DACH1: variants seen among roughly 807,000 people sequenced by gnomAD.
DACH1 encodes dachshund family transcription factor 1, also known as dachshund homolog 1.
In DACH1, 12 loss-of-function variants were observed where a neutral mutation model predicts 54.2. That is an observed-to-expected ratio of 0.22 (90% CI 0.14 to 0.36). The LOEUF (loss-of-function observed/expected upper bound fraction) is 0.36. Among genes scored for constraint, DACH1 ranks in the 10% least tolerant of loss-of-function variants. The probability of loss-of-function intolerance (pLI) is 1.00; values close to 1 mark genes in which losing one functional copy is unlikely to be tolerated. For synonymous variants in DACH1, 386 were observed against 366.2 expected (o/e 1.05, Z -0.62); for missense variants, 805 against 929.8 (o/e 0.87, Z 1.75).
intron 3 of DACH1, among the ~76,000 whole-genome samples, chr13:71,590,267 G>C (rs929145498): frequency 2.6e-5 from 4 of 151,996 alleles, no homozygotes; most frequent in Non-Finnish European, 5.9e-5. Context: ...TCTAAGAAGA[G>C]GGTCAAAGGA....
intron 2 of DACH1, among the ~76,000 whole-genome samples, chr13:71,667,671 A>C (rs193263372): frequency 6.6e-6 from 1 of 152,206 alleles, no homozygotes; most frequent in Non-Finnish European, 1.5e-5. Context: ...AGCAATTGCC[A>C]TTATAAATCA....
chr13:71,498,971 T>G (rs925616291), intron 6 of DACH1, among the ~76,000 whole-genome samples: 2 of 152,170 alleles, frequency 1.3e-5, no homozygotes, highest in Admixed American at 6.5e-5. Flanking sequence ...CATCATTATC[T>G]TAGCAAACTC....
At chr13:71,474,508 G>T (rs927822752) in intron 10 of DACH1, among the ~76,000 whole-genome samples, 1 of 151,998 alleles carries the variant, frequency 6.6e-6, no homozygotes, top group African/African-American at 2.4e-5. Context: ...CTACCTTCTG[G>T]TTTTATTCTT....
intron 1 of DACH1, among the ~76,000 whole-genome samples, chr13:71,748,854 CTT>C (rs1433225485): frequency 2.2e-4 from 6 of 27,520 alleles, no homozygotes; most frequent in African/African-American, 4.9e-4. Context: ...CTCTTTCTTT[CTT>C]TCTTTCTTTC....
At chr13:71,692,044 C>G (rs930787048) in intron 1 of DACH1, among the ~76,000 whole-genome samples, 17 of 150,556 alleles carry the variant, frequency 1.1e-4, no homozygotes, top group East Asian at 7.8e-4. Flanking sequence ...CACACACACA[C>G]ACAGACACAC....
At chr13:71,708,856 T>TC (rs1882571953) in intron 1 of DACH1, among the ~76,000 whole-genome samples, 1 of 146,094 alleles carries the variant, frequency 6.8e-6, no homozygotes, top group South Asian at 2.2e-4. Flanking sequence ...TTTGTTGTTT[T>TC]TTTTTTTTTT....
intron 10 of DACH1, among the ~76,000 whole-genome samples, chr13:71,441,283 C>G (rs1309848268): frequency 6.6e-6 from 1 of 152,062 alleles, no homozygotes; most frequent in African/African-American, 2.4e-5. Context: ...TATTATTCAA[C>G]TTTTACTAAT....
chr13:71,550,508 C>T (rs576927310), intron 6 of DACH1, among the ~76,000 whole-genome samples: 7 of 152,130 alleles, frequency 4.6e-5, no homozygotes, highest in South Asian at 4.1e-4. Flanking sequence ...GTCATCAAGG[C>T]GCATGGGTAA....
rs774997411 is a variant in DACH1 at position 71,866,600 on chromosome 13, G to C, written c.170C>G (p.Pro57Arg). Residue 57 changes from proline (P) to arginine (R), a missense_variant, in exon 1 of 11, where the codon CCG (proline) becomes CGG (arginine). By Grantham distance (103) the Pro-to-Arg change is moderately radical (BLOSUM62 -2). Around this residue, in one of 3 missense-constraint regions of DACH1, gnomAD observed 305 missense variants for 308.7 expected, o/e 0.99. Transcript: ENST00000613252. ...CGCCGCCGCCGAAGCGATGGGCTCCGGGCGGAACAGAGTTGGCCCAGAGGA... is the reference window on the plus strand; with the variant it reads ...CGCCGCCGCCGAAGCGATGGGCTCCCGGCGGAACAGAGTTGGCCCAGAGGA... Reference protein sequence around the residue: ...PASSGPTLFRPEPIASAAAAA... With the variant: ...PASSGPTLFRREPIASAAAAA... 7.6e-7 allele frequency: 1 copy of C among 1,316,034 alleles called. No individual in the cohort carries two copies. 81.5% of individuals were successfully genotyped at this position (1,316,034 alleles called of 1,614,324 possible).
chr13:71,692,621 C>T (rs1881571529), intron 1 of DACH1, among the ~76,000 whole-genome samples: 1 of 137,728 alleles, frequency 7.3e-6, no homozygotes, highest in African/African-American at 2.6e-5. Flanking sequence ...CTCCCAGGTT[C>T]AAGCGATTCT....
intron 3 of DACH1, among the ~76,000 whole-genome samples, chr13:71,608,890 G>A (rs1015794545): frequency 2.0e-5 from 3 of 151,972 alleles, no homozygotes; most frequent in African/African-American, 7.2e-5. Flanking sequence ...CATAGTTTGA[G>A]GATATAAAGA....
At chr13:71,644,368 G>A (rs377054743) in intron 2 of DACH1, among the ~76,000 whole-genome samples, 3 of 152,148 alleles carry the variant, frequency 2.0e-5, no homozygotes, top group Admixed American at 1.3e-4. Flanking sequence ...TTTTATATCA[G>A]TATTTTCTAG....
chr13:71,509,550 C>T (rs1340249047), intron 6 of DACH1, among the ~76,000 whole-genome samples: 1 of 152,048 alleles, frequency 6.6e-6, no homozygotes, highest in East Asian at 1.9e-4. Context: ...AGAAGAAATA[C>T]AATCCTAAAC....
chr13:71,500,656 T>G (rs1489806466), intron 6 of DACH1, among the ~76,000 whole-genome samples: 2 of 152,184 alleles, frequency 1.3e-5, no homozygotes, highest in Non-Finnish European at 2.9e-5. Context: ...AGTCTGAAGA[T>G]TCTCATTTCT....
intron 3 of DACH1, among the ~76,000 whole-genome samples, chr13:71,612,326 C>T (rs1875396267): frequency 6.6e-6 from 1 of 152,024 alleles, no homozygotes; most frequent in African/African-American, 2.4e-5. Context: ...ATTATATAAA[C>T]TGAGAACTTT....
chr13:71,797,829 C>T (rs1450180700), intron 1 of DACH1, among the ~76,000 whole-genome samples: 1 of 152,098 alleles, frequency 6.6e-6, no homozygotes, highest in Non-Finnish European at 1.5e-5. Context: ...ATTTGTCCAT[C>T]CAAAATTGCT....
chr13:71,814,996 C>T (rs1887853847), intron 1 of DACH1, among the ~76,000 whole-genome samples: 1 of 152,096 alleles, frequency 6.6e-6, no homozygotes, highest in Non-Finnish European at 1.5e-5. Flanking sequence ...GGAATGTAAA[C>T]TAAACGGGTG....
chr13:71,772,301 T>C (rs1268584011), intron 1 of DACH1, among the ~76,000 whole-genome samples: 1 of 151,774 alleles, frequency 6.6e-6, no homozygotes, highest in African/African-American at 2.4e-5. Context: ...AAAATCACAC[T>C]TTTGTTAAAG....
rs557556907 is a variant in DACH1 at position 71,483,579 on chromosome 13, T to C, written c.1723-4263A>G. Among the ~76,000 whole-genome samples, 17 of 147,966 alleles carry C rather than the reference T, an allele frequency of 1.1e-4. No individual in the cohort carries two copies. In the South Asian group the frequency reaches 3.6e-3, roughly 31 times the overall value. ...TAATTAAATTATAATTAAAATTATA[T>C]ATTAATGTAAATAAGGAAACTATTA... On this transcript the variant is annotated intron_variant, in intron 7 of 10. Transcript: ENST00000613252.
Sources: gnomAD v4.1 joint callset for allele counts (sites outside exome capture counted in the v4.1 genomes callset) on GRCh38, gnomAD v4.1.1 for gene constraint, gnomAD v4.1.1 regional missense constraint, MANE v1.5 for transcripts, NCBI Gene and HGNC (gene_info 2026-07-23, HGNC 2026-07-21) for gene names.